Variants in FER1L6 observed in about 807,000 individuals in gnomAD.
The protein encoded by FER1L6 is fer-1 like family member 6, also known as fer-1-like protein 6.
A neutral mutation model predicts 219.2 loss-of-function variants in FER1L6; 177 were observed. The observed-to-expected ratio is 0.81, with a 90% CI of 0.71 to 0.91. FER1L6 has a LOEUF of 0.91. Ranked by LOEUF, FER1L6 falls within the 40% of genes least tolerant of loss-of-function variation. FER1L6 has a pLI of 0.00. For missense variants in FER1L6, 2,153 were observed against 2,259.9 expected (o/e 0.95, Z 0.96); for synonymous variants, 768 against 824.3 (o/e 0.93, Z 1.17).
At chr8:124,064,013 C>T (rs1366126567) in intron 25 of FER1L6, among the ~76,000 whole-genome samples, 2 of 152,142 alleles carry the variant, frequency 1.3e-5, no homozygotes, top group Non-Finnish European at 2.9e-5. Flanking sequence ...AGCAGGGGGA[C>T]AATCCCCCTA....
At chr8:123,976,419 G>T (rs1366809545) in intron 9 of FER1L6, among the ~76,000 whole-genome samples, 1 of 151,918 alleles carries the variant, frequency 6.6e-6, no homozygotes, top group African/African-American at 2.4e-5. Flanking sequence ...TAAGGCATAA[G>T]AATTGCTTGA....
chr8:123,961,880 C>CTTTT (rs1295109025), intron 2 of FER1L6, among the ~76,000 whole-genome samples: 2 of 129,194 alleles, frequency 1.5e-5, no homozygotes, highest in African/African-American at 2.8e-5. Context: ...TGTTTGTTTT[C>CTTTT]TTTTTTTTTT....
In FER1L6 at chr8:123,980,572, G is replaced by A; in HGVS notation, c.1171G>A (p.Val391Met). The A allele has an allele frequency of 6.2e-6, 10 of 1,614,170 alleles. No individual in the cohort carries two copies. Among genetic ancestry groups the A allele is most frequent in the Non-Finnish European group, 7.6e-6 (9 of 1,180,016 alleles). ...QEMNEGFGEG[V>M]SFRGRILVEI... is the part of the protein sequence containing the mutation. ...AATGAACGAAGGCTTTGGGGAAGGT[G>A]TGTCATTCAGGGGCAGAATCTTGGT... The change falls in exon 11 of 41, where the codon GTG (valine) becomes ATG (methionine). Residue 391 changes from valine (V) to methionine (M), a missense_variant. Coordinates refer to ENST00000522917, the MANE Select transcript of FER1L6 (RefSeq NM_001039112.2).
chr8:123,865,775 C>T lies in FER1L6; in HGVS notation c.-8+13590C>T, dbSNP rs1157704848. Among the ~76,000 whole-genome samples, 6 of 151,532 alleles carry T rather than the reference C, an allele frequency of 4.0e-5. No homozygotes were observed. In the East Asian group the frequency reaches 7.7e-4, roughly 20 times the overall value. ...GCGTCCGTCACCCCTTTCTTTGACT[C>T]GGAAAGGGAACTCCCTGACCACTTG... On this transcript the variant is annotated intron_variant, in intron 1 of 40. Coordinates refer to ENST00000522917, the MANE Select transcript of FER1L6 (RefSeq NM_001039112.2).
At chr8:124,069,825 A>C (rs1331013101) in intron 29 of FER1L6, among the ~76,000 whole-genome samples, 1 of 152,228 alleles carries the variant, frequency 6.6e-6, no homozygotes, top group African/African-American at 2.4e-5. Flanking sequence ...CTCCAACTAA[A>C]GTCAGCTCCA....
chr8:123,865,796 A>C lies in FER1L6; in HGVS notation c.-8+13611A>C, dbSNP rs556284298. On this transcript the variant is annotated intron_variant, in intron 1 of 40. Coordinates refer to ENST00000522917, the MANE Select transcript of FER1L6 (RefSeq NM_001039112.2). The stretch of plus-strand genomic sequence containing the variant: ...GACTCGGAAAGGGAACTCCCTGACC[A>C]CTTGCGCTTCCCAGGTGAGGCAATG... Among the ~76,000 whole-genome samples, 21 of 151,470 alleles carry C rather than the reference A, an allele frequency of 1.4e-4. 1 individual carries two copies. Among genetic ancestry groups the C allele is most frequent in the South Asian group, 4.1e-4 (2 of 4,824 alleles).
chr8:124,052,133 C>G lies in FER1L6; in HGVS notation c.2874+2377C>G, dbSNP rs2130788996. Among the ~76,000 whole-genome samples, 3 of 152,296 alleles carry G rather than the reference C, an allele frequency of 2.0e-5. 1 individual carries two copies. The highest frequency in any genetic ancestry group is 6.8e-3 in the Middle Eastern group (2 of 294). On this transcript the variant is annotated intron_variant, in intron 22 of 40. Coordinates refer to ENST00000522917, the MANE Select transcript of FER1L6 (RefSeq NM_001039112.2). ...GATTTGTGTTGCACAGTAAAATGGA[C>G]TATCAGAACTGAATGTAAACTTCAA... is the stretch of plus-strand genomic sequence containing the variant.
chr8:124,005,681 G>A (rs1225139016), intron 13 of FER1L6, among the ~76,000 whole-genome samples: 1 of 152,218 alleles, frequency 6.6e-6, no homozygotes, highest in Non-Finnish European at 1.5e-5. Flanking sequence ...AATGGCAGTA[G>A]ATGCTCATAA....
At chr8:124,100,998 G>C in intron 37 of FER1L6, 99 bp from the exon 38 acceptor site, 1 of 1,100,142 alleles carries the variant, frequency 9.1e-7, no homozygotes, top group East Asian at 2.4e-5. Context: ...TTTAAACTAT[G>C]CTCTGTGACC....
intron 12 of FER1L6, among the ~76,000 whole-genome samples, chr8:123,989,223 C>G (rs955107932): frequency 6.6e-6 from 1 of 151,992 alleles, no homozygotes; most frequent in Admixed American, 6.6e-5. Flanking sequence ...ATTTGGTTTG[C>G]TAGGATTTTG....
At chr8:124,068,596 T>A (rs1310668831) in intron 28 of FER1L6, among the ~76,000 whole-genome samples, 1 of 152,232 alleles carries the variant, frequency 6.6e-6, no homozygotes, top group Admixed American at 6.5e-5. Context: ...TTGAACTAGA[T>A]GTATCTCAAT....
intron 1 of FER1L6, among the ~76,000 whole-genome samples, chr8:123,919,985 C>T (rs1485235269): frequency 2.6e-5 from 4 of 152,206 alleles, no homozygotes; most frequent in Admixed American, 2.6e-4. Context: ...GCCCTAAGCC[C>T]CTGGCACATG....
At chr8:124,101,858 T>C (rs1753848451) in intron 38 of FER1L6, among the ~76,000 whole-genome samples, 1 of 152,192 alleles carries the variant, frequency 6.6e-6, no homozygotes, top group Non-Finnish European at 1.5e-5. Flanking sequence ...CTTGGTTTTA[T>C]ACATTTTAGG....
At chr8:124,093,590 C>T (rs1822144380) in intron 34 of FER1L6, among the ~76,000 whole-genome samples, 1 of 151,984 alleles carries the variant, frequency 6.6e-6, no homozygotes, top group Non-Finnish European at 1.5e-5. Flanking sequence ...ACAATATACT[C>T]TATTAAGCCA....
At chr8:123,908,606 T>C (rs1356222948) in intron 1 of FER1L6, among the ~76,000 whole-genome samples, 1 of 151,906 alleles carries the variant, frequency 6.6e-6, no homozygotes, top group Admixed American at 6.6e-5. Flanking sequence ...ATTCAACAGG[T>C]TTTTTTTGGT....
chr8:123,975,722 T>G (rs1455624852), intron 8 of FER1L6, among the ~76,000 whole-genome samples, 176 bp from the exon 9 acceptor site: 1 of 152,218 alleles, frequency 6.6e-6, no homozygotes, highest in Non-Finnish European at 1.5e-5. Flanking sequence ...TTCACTCTAT[T>G]CATACCATTC....
At chr8:124,051,477 G>T (rs542831393) in intron 22 of FER1L6, among the ~76,000 whole-genome samples, 5 of 152,212 alleles carry the variant, frequency 3.3e-5, no homozygotes, top group Non-Finnish European at 5.9e-5. Flanking sequence ...TACTTAATCT[G>T]GGTTTCACCT....
chr8:124,017,142 TC>T (rs1357532509), intron 15 of FER1L6, among the ~76,000 whole-genome samples: 2 of 152,222 alleles, frequency 1.3e-5, no homozygotes, highest in African/African-American at 4.8e-5. Context: ...TGAATGGCAT[TC>T]ACAATCTTTA....
Position 123,966,234 on chromosome 8 carries a change from G to A in FER1L6, c.328G>A (p.Asp110Asn), listed in dbSNP as rs1815534439. The change falls in exon 5 of 41, where the codon GAT becomes AAT. Residue 110 changes from aspartate to asparagine, a missense_variant. Coordinates refer to ENST00000522917, the MANE Select transcript of FER1L6 (RefSeq NM_001039112.2). ...CCCAGTTGTGACCATTGAGATTGGG[G>A]ATGAGAAGAAGCAAAGCACAGTGAA... ...IDPVVTIEIG[D>N]EKKQSTVKEG... is the part of the protein sequence containing the mutation. 2 of 1,614,056 alleles carry A rather than the reference G, an allele frequency of 1.2e-6. No homozygotes were observed. The highest frequency in any genetic ancestry group is 2.7e-5 in the African/African-American group (2 of 74,922).
Sources: allele counts gnomAD v4.1 joint callset (sites outside exome capture counted in the v4.1 genomes callset), GRCh38; gene constraint gnomAD v4.1.1; transcripts MANE v1.5; gene names NCBI Gene and HGNC (gene_info 2026-07-23, HGNC 2026-07-21).